CHSY3: variants seen among roughly 807,000 people sequenced by gnomAD.
CHSY3 encodes the protein N-acetylgalactosaminyl-proteoglycan 3-beta-glucuronosyltransferase 3.
Under a neutral mutation model 67.2 loss-of-function variants are expected in CHSY3, and 35 were observed. That is an observed-to-expected ratio of 0.52 (90% CI 0.40 to 0.69). CHSY3 has a LOEUF of 0.69. Ranked by LOEUF, CHSY3 falls within the 30% of genes least tolerant of loss-of-function variation. The probability of loss-of-function intolerance (pLI) is 0.00; values close to 1 mark genes in which losing one functional copy is unlikely to be tolerated. For synonymous variants in CHSY3, 474 were observed against 434.7 expected (o/e 1.09, Z -1.12); for missense variants, 1,069 against 1,138.5 (o/e 0.94, Z 0.88).
At chr5:130,101,035 A>T (rs962756685) in intron 2 of CHSY3, among the ~76,000 whole-genome samples, 4 of 152,242 alleles carry the variant, frequency 2.6e-5, no homozygotes, top group Non-Finnish European at 5.9e-5. Context: ...TGTATTAAAC[A>T]GTCCCGCAAG....
At chr5:130,086,412 A>G (rs1294132402) in intron 2 of CHSY3, among the ~76,000 whole-genome samples, 3 of 151,886 alleles carry the variant, frequency 2.0e-5, no homozygotes, top group African/African-American at 4.8e-5. Flanking sequence ...AGTCTGTTTT[A>G]TCAGAGACTA....
intron 2 of CHSY3, among the ~76,000 whole-genome samples, chr5:129,922,070 G>A (rs1184887320): frequency 2.0e-5 from 3 of 152,116 alleles, no homozygotes; most frequent in Non-Finnish European, 2.9e-5. Flanking sequence ...TCCCACATGA[G>A]TGAGAACATG....
Position 129,904,732 on chromosome 5 carries a change from C to T in CHSY3, c.-98C>T. On this transcript the variant is annotated 5_prime_UTR_variant, in exon 1 of 3. Coordinates refer to ENST00000305031, the MANE Select transcript of CHSY3 (RefSeq NM_175856.5). ...CCTAGGCGGCCGGCTGCGGCCGCGG[C>T]TGGGGGCGCAAAGGCGGAGGAGGGG... 8.1e-7 allele frequency: 1 copy of T among 1,230,650 alleles called. No homozygotes were observed. The allele number at this position is 1,230,650 out of a possible 1,614,324, so 76.2% of individuals were successfully genotyped here. A position where few individuals can be genotyped will look rare whatever the true frequency, so the allele number is the denominator to read the frequency against.
intron 2 of CHSY3, among the ~76,000 whole-genome samples, chr5:130,143,846 A>ATATATATATG (rs1221929570): frequency 1.5e-5 from 2 of 130,494 alleles, no homozygotes; most frequent in South Asian, 2.4e-4. Context: ...ATATATATAT[A>ATATATATATG]TGCCAATTCA....
chr5:130,023,178 C>T (rs974754462), intron 2 of CHSY3, among the ~76,000 whole-genome samples: 1 of 151,804 alleles, frequency 6.6e-6, no homozygotes, highest in African/African-American at 2.4e-5. Flanking sequence ...AAAATCTATA[C>T]AGATGAGTGT....
At chr5:130,160,895 A>ATT (rs1235724208) in intron 2 of CHSY3, among the ~76,000 whole-genome samples, 2 of 142,426 alleles carry the variant, frequency 1.4e-5, no homozygotes, top group African/African-American at 2.7e-5. Flanking sequence ...TTATTTATTT[A>ATT]TTTTTTTTTT....
chr5:129,905,468 C>T lies in CHSY3; in HGVS notation c.639C>T (p.Asn213=). 2 of 1,612,814 alleles carry T rather than the reference C, an allele frequency of 1.2e-6. No individual in the cohort carries two copies. Among genetic ancestry groups the T allele is most frequent in the Non-Finnish European group, 1.7e-6 (2 of 1,179,996 alleles). The part of the protein sequence containing the change: ...VEFFSSQQPP[N]AGQPPPPLPV... Reference sequence around the variant, plus strand: ...TCTTTTCCAGCCAGCAGCCCCCCAACGCCGGCCAGCCCCCGCCACCCCTGC... The same window carrying T: ...TCTTTTCCAGCCAGCAGCCCCCCAATGCCGGCCAGCCCCCGCCACCCCTGC... Residue 213 remains asparagine, a synonymous_variant, in exon 1 of 3, where the codon AAC becomes AAT. Transcript: ENST00000305031.
chr5:129,910,066 G>C (rs945475071), intron 2 of CHSY3, among the ~76,000 whole-genome samples: 2 of 151,896 alleles, frequency 1.3e-5, no homozygotes, highest in Non-Finnish European at 2.9e-5. Flanking sequence ...AAAATTGGGA[G>C]CTCAAAAATT....
At chr5:130,095,258 T>C (rs1241996790) in intron 2 of CHSY3, among the ~76,000 whole-genome samples, 1 of 152,208 alleles carries the variant, frequency 6.6e-6, no homozygotes, top group East Asian at 1.9e-4. Context: ...TCAGTGCTTA[T>C]AGCTTAGTAG....
At chr5:130,177,180 T>C (rs910080917) in intron 2 of CHSY3, among the ~76,000 whole-genome samples, 43 of 60,308 alleles carry the variant, frequency 7.1e-4, no homozygotes, top group South Asian at 2.3e-3. Context: ...TTCATACATA[T>C]ATATATGAAT....
intron 2 of CHSY3, among the ~76,000 whole-genome samples, chr5:129,968,074 A>C (rs1405750600): frequency 6.6e-6 from 1 of 151,840 alleles, no homozygotes; most frequent in Non-Finnish European, 1.5e-5. Context: ...AGTTAAAATA[A>C]AGATACAAGA....
At chr5:130,045,492 T>G (rs1765120384) in intron 2 of CHSY3, among the ~76,000 whole-genome samples, 1 of 151,990 alleles carries the variant, frequency 6.6e-6, no homozygotes, top group Non-Finnish European at 1.5e-5. Context: ...TGAGTCATAG[T>G]GAGTGTTATG....
chr5:130,183,898 A>G (rs752564329), intron 2 of CHSY3, among the ~76,000 whole-genome samples: 3 of 151,866 alleles, frequency 2.0e-5, no homozygotes, highest in South Asian at 2.1e-4. Context: ...AAGATGATAA[A>G]TGTTCTCACC....
chr5:130,087,901 C>A (rs1252634787), intron 2 of CHSY3, among the ~76,000 whole-genome samples: 1 of 151,808 alleles, frequency 6.6e-6, no homozygotes, highest in Non-Finnish European at 1.5e-5. Context: ...AAAGAGCCCA[C>A]ATCGCCAAGT....
chr5:129,953,728 C>T (rs1344925360), intron 2 of CHSY3, among the ~76,000 whole-genome samples: 2 of 152,054 alleles, frequency 1.3e-5, no homozygotes, highest in Admixed American at 1.3e-4. Context: ...CTCTAATGAC[C>T]AGTGATGATG....
chr5:129,933,664 G>A (rs1043564677), intron 2 of CHSY3, among the ~76,000 whole-genome samples: 1 of 152,016 alleles, frequency 6.6e-6, no homozygotes, highest in African/African-American at 2.4e-5. Flanking sequence ...TACTCAATCA[G>A]CAAAACTTCC....
At chr5:129,974,892 T>C (rs955960125) in intron 2 of CHSY3, 8 of 152,264 alleles carry the variant, frequency 5.3e-5, no homozygotes, top group African/African-American at 1.7e-4. Context: ...CTAACACTAG[T>C]GTTGTATGAA....
chr5:129,985,113 T>C (rs778943412), intron 2 of CHSY3, among the ~76,000 whole-genome samples: 7 of 152,202 alleles, frequency 4.6e-5, no homozygotes, highest in Admixed American at 2.0e-4. Context: ...GTGCCCCAGA[T>C]AGTATTTCCT....
intron 2 of CHSY3, among the ~76,000 whole-genome samples, chr5:129,925,408 A>T (rs1188163733): frequency 6.6e-6 from 1 of 152,154 alleles, no homozygotes; most frequent in Non-Finnish European, 1.5e-5. Context: ...GATCTGCCTT[A>T]TTTATAACTT....
Sources: gnomAD v4.1 joint callset for allele counts (sites outside exome capture counted in the v4.1 genomes callset) on GRCh38, gnomAD v4.1.1 for gene constraint, MANE v1.5 for transcripts, NCBI Gene and HGNC (gene_info 2026-07-23, HGNC 2026-07-21) for gene names.